HOMER2: variants seen among roughly 807,000 people sequenced by gnomAD.
HOMER2 encodes homer scaffold protein 2.
Under a neutral mutation model 47.0 loss-of-function variants are expected in HOMER2, and 27 were observed. The ratio of observed to expected loss-of-function variants is 0.57; its 90% CI spans 0.42 to 0.79. The LOEUF is 0.79. Among genes scored for constraint, HOMER2 ranks in the 30% least tolerant of loss-of-function variants. HOMER2 has a pLI of 0.00. For synonymous variants in HOMER2, 161 were observed against 163.8 expected (o/e 0.98, Z 0.13); for missense variants, 443 against 435.0 (o/e 1.02, Z -0.16).
At chr15:82,918,902 GAC>G (rs1266062029) in intron 1 of HOMER2, among the ~76,000 whole-genome samples, 2 of 152,216 alleles carry the variant, frequency 1.3e-5, no homozygotes, top group African/African-American at 4.8e-5. Context: ...AATCATGAAA[GAC>G]ACGCAGACTC....
At chr15:82,850,522 A>G (rs754818898) in intron 8 of HOMER2, among the ~76,000 whole-genome samples, 48 of 152,242 alleles carry the variant, frequency 3.2e-4, no homozygotes, top group Non-Finnish European at 6.2e-4. Flanking sequence ...CAAAGACAGG[A>G]CAGCTGTGAG....
intron 1 of HOMER2, among the ~76,000 whole-genome samples, chr15:82,939,762 G>A (rs1235364166): frequency 1.3e-5 from 2 of 152,184 alleles, no homozygotes; most frequent in Non-Finnish European, 2.9e-5. Context: ...AGCTTTGGTA[G>A]GCTACTGAAT....
intron 1 of HOMER2, among the ~76,000 whole-genome samples, chr15:82,938,188 A>G (rs1178858538): frequency 1.3e-5 from 2 of 152,130 alleles, no homozygotes; most frequent in Non-Finnish European, 2.9e-5. Flanking sequence ...CCTGGCCAAC[A>G]TGGCGAAACC....
At position 82,875,430 on chromosome 15, in the gene HOMER2, A is replaced by G. The variant is rs377564417; in HGVS notation, c.163-26T>C. 42 of 1,612,518 alleles carry G rather than the reference A, an allele frequency of 2.6e-5. No homozygotes were observed. The African/African-American group carries it at 3.3e-4, about 13-fold the overall frequency. ...CTGCAGAAAAACAGCCCAAAGAGTG[A>G]AAATTTAAATGTTGAATGAGACAAA... On this transcript the variant is annotated intron_variant, in intron 2 of 8. Coordinates refer to ENST00000450735, the MANE Select transcript of HOMER2 (RefSeq NM_004839.4).
intron 1 of HOMER2, among the ~76,000 whole-genome samples, chr15:82,968,137 A>C (rs1436440016): frequency 1.3e-5 from 2 of 152,152 alleles, no homozygotes; most frequent in Non-Finnish European, 2.9e-5. Flanking sequence ...CCTGGGCTCA[A>C]GTGATCCTCC....
intron 1 of HOMER2, among the ~76,000 whole-genome samples, chr15:82,934,070 T>C (rs1224130405): frequency 6.6e-6 from 1 of 152,120 alleles, no homozygotes; most frequent in Non-Finnish European, 1.5e-5. Context: ...GAACACTCTC[T>C]TCACTTTCAT....
At chr15:82,981,548 G>T (rs2030396565) in intron 1 of HOMER2, among the ~76,000 whole-genome samples, 1 of 152,222 alleles carries the variant, frequency 6.6e-6, no homozygotes, top group Admixed American at 6.5e-5. Flanking sequence ...GACTTGAATA[G>T]ATATTTGTGT....
chr15:82,871,120 G>T (rs2052162577), intron 3 of HOMER2, among the ~76,000 whole-genome samples: 1 of 152,230 alleles, frequency 6.6e-6, no homozygotes, highest in Admixed American at 6.5e-5. Flanking sequence ...GGACAGACGA[G>T]TCCCAGTTTA....
intron 1 of HOMER2, among the ~76,000 whole-genome samples, chr15:82,903,660 A>AACACAC (rs57941285): frequency 1.3e-5 from 2 of 150,088 alleles, no homozygotes; most frequent in African/African-American, 2.4e-5. Flanking sequence ...AACTCCTCTA[A>AACACAC]ACACACACAC....
At chr15:82,905,355 T>C (rs977071506) in intron 1 of HOMER2, among the ~76,000 whole-genome samples, 2 of 143,066 alleles carry the variant, frequency 1.4e-5, no homozygotes, top group African/African-American at 2.6e-5. Context: ...ATAGGCATAA[T>C]AAAAATACTA....
intron 1 of HOMER2, among the ~76,000 whole-genome samples, chr15:82,936,066 T>A (rs2054136328): frequency 6.6e-6 from 1 of 152,176 alleles, no homozygotes; most frequent in Non-Finnish European, 1.5e-5. Flanking sequence ...TGAGACAGGG[T>A]GCCCTCCCCT....
At chr15:82,891,456 C>T (rs1011637871) in intron 2 of HOMER2, among the ~76,000 whole-genome samples, 3 of 152,198 alleles carry the variant, frequency 2.0e-5, no homozygotes, top group African/African-American at 7.2e-5. Flanking sequence ...ACTTAGAGAA[C>T]ATGGGCTGAA....
intron 2 of HOMER2, among the ~76,000 whole-genome samples, chr15:82,890,049 G>A (rs189441060): frequency 6.6e-6 from 1 of 152,164 alleles, no homozygotes; most frequent in African/African-American, 2.4e-5. Context: ...ACTAAGGGAG[G>A]AACACGAGGT....
intron 2 of HOMER2, among the ~76,000 whole-genome samples, chr15:82,876,070 G>C (rs558006428): frequency 1.3e-5 from 2 of 152,200 alleles, no homozygotes; most frequent in African/African-American, 4.8e-5. Flanking sequence ...GAGGGGTCAC[G>C]TAGAGCAAGC....
At chr15:82,981,600 G>A (rs899338310) in intron 1 of HOMER2, among the ~76,000 whole-genome samples, 1 of 152,152 alleles carries the variant, frequency 6.6e-6, no homozygotes, top group African/African-American at 2.4e-5. Flanking sequence ...GCCAAAAGGA[G>A]GAAGAAACTC....
At chr15:82,864,111 CAA>C (rs2051883363) in intron 4 of HOMER2, 54 bp downstream of exon 4, 2 of 1,134,978 alleles carry the variant, frequency 1.8e-6, no homozygotes, top group Non-Finnish European at 2.6e-6. Context: ...TGACAAGGAA[CAA>C]AGAGTCCCTA....
At chr15:82,848,378 T>A (rs1474627186), downstream of HOMER2, among the ~76,000 whole-genome samples, 1 of 152,096 alleles carries the variant, frequency 6.6e-6, no homozygotes, top group Non-Finnish European at 1.5e-5. Context: ...CTCAAGGCAT[T>A]TAGAGATGTG....
chr15:82,869,450 C>CTTTTTTTTTTT (rs71822678), intron 3 of HOMER2, among the ~76,000 whole-genome samples: 1 of 70,240 alleles, frequency 1.4e-5, no homozygotes, highest in African/African-American at 6.0e-5. Flanking sequence ...TACTAAACAT[C>CTTTTTTTTTTT]TTTTTTTTTT....
Position 82,840,004 on chromosome 15 carries a change from T to G in HOMER2, c.*7270A>C, listed in dbSNP as rs1433463922. Reference sequence around the variant, plus strand: ...GCTAAAAAACAACAACAAAATAAACTACCTGGAAATTTAAAAGTATAATTT... The same window carrying G: ...GCTAAAAAACAACAACAAAATAAACGACCTGGAAATTTAAAAGTATAATTT... On this transcript the variant is annotated 3_prime_UTR_variant, in exon 2 of 2. Coordinates refer to the HOMER2 transcript ENST00000558090. 3 of 152,062 alleles carry G rather than the reference T, an allele frequency of 2.0e-5. No individual in the cohort carries two copies. The East Asian group carries it at 5.8e-4, about 29-fold the overall frequency. 9.4% of individuals were successfully genotyped at this position (152,062 alleles called of 1,614,324 possible).
Sources: allele counts gnomAD v4.1 joint callset (sites outside exome capture counted in the v4.1 genomes callset), GRCh38; gene constraint gnomAD v4.1.1; transcripts MANE v1.5; gene names NCBI Gene and HGNC (gene_info 2026-07-23, HGNC 2026-07-21).